The following RBFOX1 variants were observed in gnomAD, a reference collection of about 807,000 sequenced individuals.
The protein encoded by RBFOX1 is RNA binding fox-1 homolog 1.
A neutral mutation model predicts 57.7 loss-of-function variants in RBFOX1; 8 were observed. The ratio of observed to expected loss-of-function variants is 0.14; its 90% CI spans 0.08 to 0.25. The LOEUF (loss-of-function observed/expected upper bound fraction) is 0.25. RBFOX1 is among the 10% of genes least tolerant of loss of function. The probability of loss-of-function intolerance (pLI) is 1.00; values close to 1 mark genes in which losing one functional copy is unlikely to be tolerated. For missense variants in RBFOX1, 611 were observed against 548.5 expected (o/e 1.11, Z -1.14); for synonymous variants, 326 against 222.4 (o/e 1.47, Z -4.15).
intron 3 of RBFOX1, among the ~76,000 whole-genome samples, chr16:6,818,067 C>T (rs1191690762): frequency 6.6e-6 from 1 of 152,174 alleles, no homozygotes; most frequent in Non-Finnish European, 1.5e-5. Context: ...ATAAAACTAT[C>T]TTAGATGTCA....
chr16:6,779,965 ATATATATTTATATATTTATATATT>A (rs1188535426), intron 3 of RBFOX1, among the ~76,000 whole-genome samples: 1 of 40,820 alleles, frequency 2.4e-5, no homozygotes, highest in South Asian at 7.1e-4. Context: ...TTATATATTT[ATATATATTTATATATTTATATATT>A]TATATATTTA....
chr16:7,184,284 C>T (rs1020273654), intron 4 of RBFOX1, among the ~76,000 whole-genome samples: 1 of 152,094 alleles, frequency 6.6e-6, no homozygotes, highest in Non-Finnish European at 1.5e-5. Context: ...CAATAGGAAG[C>T]TGTGGAATGA....
chr16:6,168,047 T>C (rs80355436), intron 1 of RBFOX1, among the ~76,000 whole-genome samples: 8,693 of 152,228 alleles, frequency 0.057, 463 homozygotes, highest in African/African-American at 0.14. Context: ...ACTGACAGTT[T>C]TGTCTGTGAT....
chr16:7,199,072 C>G (rs1444592248), intron 4 of RBFOX1, among the ~76,000 whole-genome samples: 1 of 152,174 alleles, frequency 6.6e-6, no homozygotes, highest in East Asian at 1.9e-4. Flanking sequence ...ATCATCACCA[C>G]AGGTCCGTCC....
chr16:6,052,511 G>A (rs113852345), intron 1 of RBFOX1, among the ~76,000 whole-genome samples: 13 of 152,092 alleles, frequency 8.5e-5, no homozygotes, highest in African/African-American at 2.6e-4. Context: ...TAGGCCGGGC[G>A]CGGTGGCTCA....
intron 3 of RBFOX1, among the ~76,000 whole-genome samples, chr16:5,706,348 C>G (rs1022451770): frequency 1.3e-5 from 2 of 152,148 alleles, no homozygotes; most frequent in Admixed American, 6.5e-5. Flanking sequence ...AATACAGTTC[C>G]AAGCAAGCTG....
intron 4 of RBFOX1, among the ~76,000 whole-genome samples, chr16:7,359,665 C>G (rs1028416785): frequency 1.2e-4 from 19 of 152,246 alleles, no homozygotes; most frequent in Admixed American, 9.2e-4. Context: ...TCAGCAATGT[C>G]AAGGATGTTT....
At chr16:5,903,637 T>A (rs1335684240) in intron 4 of RBFOX1, among the ~76,000 whole-genome samples, 1 of 152,100 alleles carries the variant, frequency 6.6e-6, no homozygotes, top group African/African-American at 2.4e-5. Flanking sequence ...ACTCAGAGGC[T>A]GAAAAAAAGT....
intron 4 of RBFOX1, among the ~76,000 whole-genome samples, chr16:5,962,867 C>G (rs1278965242): frequency 6.8e-6 from 1 of 147,190 alleles, no homozygotes; most frequent in Admixed American, 6.8e-5. Flanking sequence ...GAGTATGTCG[C>G]CTTGAGAGAA....
At chr16:7,424,281 TG>T (rs5815401) in intron 4 of RBFOX1, among the ~76,000 whole-genome samples, 44,818 of 151,614 alleles carry the variant, frequency 0.3, 7,801 homozygotes, top group Non-Finnish European at 0.39. Context: ...TATATGGGGG[TG>T]GGGGTCTAGC....
At position 6,903,291 on chromosome 16, in the gene RBFOX1, C is replaced by T. The variant is rs116523972; in HGVS notation, c.-15-148766C>T. On this transcript the variant is annotated intron_variant, in intron 3 of 15. Transcript: ENST00000550418. ...AGCTCATATGGCCAGGAGGGCTGAC[C>T]GTTCCTAGAGAGGTCAGCAGCCCTT... Among the ~76,000 whole-genome samples, 1,038 of 152,182 alleles carry T rather than the reference C, an allele frequency of 6.8e-3. 14 individuals carry two copies. The highest frequency in any genetic ancestry group is 0.024 in the African/African-American group (984 of 41,528).
intron 2 of RBFOX1, among the ~76,000 whole-genome samples, chr16:6,648,986 T>C (rs1261230975): frequency 6.6e-6 from 1 of 152,128 alleles, no homozygotes; most frequent in Non-Finnish European, 1.5e-5. Flanking sequence ...TCTACTTTCT[T>C]AGCAATTTTC....
chr16:6,822,924 A>C (rs1328223929), intron 3 of RBFOX1, among the ~76,000 whole-genome samples: 2 of 152,226 alleles, frequency 1.3e-5, no homozygotes. Context: ...CTGCTGCAGC[A>C]GAGGATAGTT....
chr16:5,371,820 C>T lies in RBFOX1; in HGVS notation c.220-95396C>T, dbSNP rs1189058977. On this transcript the variant is annotated intron_variant, in intron 1 of 2. Coordinates refer to the RBFOX1 transcript ENST00000585867. ...TGGGCTGCAGATACCCATGCTCCCA[C>T]CTGAGGGAGAAATAAACTTCTCCTG... Among the ~76,000 whole-genome samples, 3 of 152,190 alleles carry T rather than the reference C, an allele frequency of 2.0e-5. No individual in the cohort carries two copies. The East Asian group carries it at 5.8e-4, about 29-fold the overall frequency.
intron 2 of RBFOX1, among the ~76,000 whole-genome samples, chr16:5,494,102 C>A (rs544566380): frequency 1.1e-4 from 16 of 152,278 alleles, no homozygotes; most frequent in African/African-American, 3.4e-4. Flanking sequence ...CTTGTCCTTA[C>A]TCACGTGCTT....
chr16:6,294,386 T>A (rs536764277), intron 1 of RBFOX1, among the ~76,000 whole-genome samples: 1 of 152,340 alleles, frequency 6.6e-6, no homozygotes, highest in Admixed American at 6.5e-5. Context: ...TAATGTTGAT[T>A]GTTAAGCCCT....
At chr16:7,075,149 C>G (rs1176031897) in intron 4 of RBFOX1, among the ~76,000 whole-genome samples, 1 of 152,178 alleles carries the variant, frequency 6.6e-6, no homozygotes, top group Admixed American at 6.5e-5. Context: ...GATCTTACTA[C>G]AGACAAGTTG....
At chr16:6,933,467 C>G (rs972383926) in intron 3 of RBFOX1, among the ~76,000 whole-genome samples, 2 of 152,240 alleles carry the variant, frequency 1.3e-5, no homozygotes, top group African/African-American at 2.4e-5. Context: ...AATCCCGGCT[C>G]TTTGGGAAGC....
chr16:6,824,657 C>G (rs1051473128), intron 3 of RBFOX1, among the ~76,000 whole-genome samples: 1 of 152,098 alleles, frequency 6.6e-6, no homozygotes, highest in Non-Finnish European at 1.5e-5. Flanking sequence ...AAAAGAGGTT[C>G]TTGGATTCAT....
Sources: gnomAD v4.1 joint callset for allele counts (sites outside exome capture counted in the v4.1 genomes callset) on GRCh38, gnomAD v4.1.1 for gene constraint, MANE v1.5 for transcripts, NCBI Gene and HGNC (gene_info 2026-07-23, HGNC 2026-07-21) for gene names.